Variants in OSBPL6 observed in about 807,000 individuals in gnomAD.
OSBPL6 encodes oxysterol binding protein like 6.
In OSBPL6, 49 loss-of-function variants were observed where a neutral mutation model predicts 125.8. The ratio of observed to expected loss-of-function variants is 0.39; its 90% CI spans 0.31 to 0.49. OSBPL6 has a LOEUF of 0.49. OSBPL6 is among the 20% of genes least tolerant of loss of function. The pLI is 0.88. For missense variants in OSBPL6, 986 were observed against 1,135.4 expected (o/e 0.87, Z 1.89); for synonymous variants, 394 against 391.8 (o/e 1.01, Z -0.07).
intron 19 of OSBPL6, among the ~76,000 whole-genome samples, chr2:178,386,703 A>C (rs1160800089): frequency 6.8e-6 from 1 of 147,148 alleles, no homozygotes. Context: ...TTTGTATGTA[A>C]AATGTGAATA....
chr2:178,300,611 TCAC>T (rs1686189153), intron 2 of OSBPL6, among the ~76,000 whole-genome samples: 1 of 152,186 alleles, frequency 6.6e-6, no homozygotes, highest in Admixed American at 6.5e-5. Context: ...CAGGCGTGTG[TCAC>T]CATGCCCAGC....
intron 12 of OSBPL6, among the ~76,000 whole-genome samples, chr2:178,360,904 A>C (rs1372421393): frequency 1.3e-5 from 2 of 152,216 alleles, no homozygotes; most frequent in Non-Finnish European, 2.9e-5. Flanking sequence ...ACCTTTCTCA[A>C]ATAAGGAAAT....
At chr2:178,381,187 CTCTTTCCTGA>C (rs1219881843) in intron 15 of OSBPL6, among the ~76,000 whole-genome samples, 1 of 152,158 alleles carries the variant, frequency 6.6e-6, no homozygotes, top group African/African-American at 2.4e-5. Flanking sequence ...ATCTTATCTT[CTCTTTCCTGA>C]TCTGCTCTGT....
In OSBPL6 at chr2:178,349,221, C is replaced by G; in HGVS notation, c.988-3C>G. 1 of 1,613,766 alleles carries G rather than the reference C, an allele frequency of 6.2e-7. No homozygotes were observed. The highest frequency in any genetic ancestry group is 8.5e-7 in the Non-Finnish European group (1 of 1,179,664). On this transcript the variant is annotated splice_polypyrimidine_tract_variant and splice_region_variant and intron_variant, in intron 11 of 24. Transcript: ENST00000190611. ...TTTAATAATTTGTATCTTCCCCTTT[C>G]AGGTTCCTTTCAGTGCTACCATGTC...
Position 178,383,080 on chromosome 2 carries a change from C to T in OSBPL6, c.1678C>T (p.Pro560Ser). Reference sequence around the variant, plus strand: ...CCGAAATGGGCGTCGAGCATGCCTGCCAGCTCCTTGTCCTGACACCAGTAA... The same window carrying T: ...CCGAAATGGGCGTCGAGCATGCCTGTCAGCTCCTTGTCCTGACACCAGTAA... ...AFRNGRRACLPAPCPDTSNIN... is the reference protein window; with the variant it reads ...AFRNGRRACLSAPCPDTSNIN... The change falls in exon 17 of 25, where the codon CCA becomes TCA. Residue 560 changes from proline (P) to serine (S), a missense_variant. Around this residue, in one of 3 missense-constraint regions of OSBPL6, gnomAD observed 843 missense variants for 997.3 expected, o/e 0.85. Transcript: ENST00000190611. 6.2e-7 allele frequency: 1 copy of T among 1,614,222 alleles called. No homozygotes were observed. The highest frequency in any genetic ancestry group is 1.1e-5 in the South Asian group (1 of 91,088).
At chr2:178,332,822 G>A in intron 7 of OSBPL6, 49 bp from the exon 8 acceptor site, 1 of 1,608,634 alleles carries the variant, frequency 6.2e-7, no homozygotes, top group South Asian at 1.1e-5. Flanking sequence ...CCAGTGGTAG[G>A]CAGGAGAGTT....
At chr2:178,293,601 G>C (rs1490637955) in intron 2 of OSBPL6, among the ~76,000 whole-genome samples, 1 of 151,814 alleles carries the variant, frequency 6.6e-6, no homozygotes, top group Non-Finnish European at 1.5e-5. Flanking sequence ...TGGAAGATGG[G>C]GTATTTATCC....
chr2:178,301,846 G>A lies in OSBPL6; in HGVS notation c.-155-4184G>A, dbSNP rs189347985. Reference sequence around the variant, plus strand: ...TAAGCCTGGAATGAAGAGCACTCAAGGTAGGTCTGCAGCTGACCTAAAGGA... The same window carrying A: ...TAAGCCTGGAATGAAGAGCACTCAAAGTAGGTCTGCAGCTGACCTAAAGGA... On this transcript the variant is annotated intron_variant, in intron 2 of 24. Transcript: ENST00000190611. Among the ~76,000 whole-genome samples the A allele has an allele frequency of 3.9e-5, 6 of 152,224 alleles. No homozygotes were observed. The East Asian group carries it at 9.6e-4, about 24-fold the overall frequency.
intron 5 of OSBPL6, 114 bp downstream of exon 5, chr2:178,328,492 T>C (rs1688897019): frequency 7.5e-7 from 1 of 1,341,700 alleles, no homozygotes; most frequent in Non-Finnish European, 1.0e-6. Flanking sequence ...ACTAGCTTTT[T>C]AAAACTTTTT....
rs574317472 is a variant in OSBPL6 at position 178,206,706 on chromosome 2, C to A, written c.-351+12032C>A. On this transcript the variant is annotated intron_variant, in intron 1 of 24. Coordinates refer to ENST00000190611, the MANE Select transcript of OSBPL6 (RefSeq NM_032523.4). ...CTCGGCTCACTGCAACCTCTGCCTCCCGGGTTCAAGCAATTCTCCTGTCTC... is the reference window on the plus strand; with the variant it reads ...CTCGGCTCACTGCAACCTCTGCCTCACGGGTTCAAGCAATTCTCCTGTCTC... 5.3e-5 allele frequency among the ~76,000 whole-genome samples: 8 copies of A among 152,184 alleles called. No homozygotes were observed. The South Asian group carries it at 1.7e-3, about 32-fold the overall frequency.
At chr2:178,394,289 A>C (rs1695665889) in intron 23 of OSBPL6, 24 bp from the exon 24 acceptor site, 4 of 1,602,808 alleles carry the variant, frequency 2.5e-6, no homozygotes, top group South Asian at 2.3e-5. Context: ...TAATATGTTA[A>C]AATATCAACT....
intron 1 of OSBPL6, among the ~76,000 whole-genome samples, chr2:178,247,958 TGA>T (rs1441559579): frequency 2.6e-5 from 4 of 152,210 alleles, no homozygotes; most frequent in Non-Finnish European, 5.9e-5. Context: ...CTGAACAGCT[TGA>T]GTCTTTTGAA....
intron 2 of OSBPL6, among the ~76,000 whole-genome samples, chr2:178,303,642 A>G (rs760596931): frequency 1.4e-4 from 21 of 152,206 alleles, no homozygotes; most frequent in African/African-American, 4.8e-4. Flanking sequence ...TACATTTCCA[A>G]GAGTTTGTCT....
At chr2:178,386,102 A>G (rs927704700) in intron 19 of OSBPL6, among the ~76,000 whole-genome samples, 1 of 152,256 alleles carries the variant, frequency 6.6e-6, no homozygotes, top group African/African-American at 2.4e-5. Flanking sequence ...TTAAGTGTAA[A>G]TAGTTCCTTC....
In OSBPL6 at chr2:178,208,157, T is replaced by C. The variant is rs151303149; in HGVS notation, c.-351+13483T>C. Among the ~76,000 whole-genome samples, 222 of 151,778 alleles carry C rather than the reference T, an allele frequency of 1.5e-3. 3 individuals carry two copies. The highest frequency in any genetic ancestry group is 5.2e-3 in the African/African-American group (214 of 41,410). On this transcript the variant is annotated intron_variant, in intron 1 of 24. Transcript: ENST00000190611. ...AAAAATTAGCCAGCGTGGTGGCACG[T>C]GCCTATAGTTCCAGCTACTTGGGAG...
intron 1 of OSBPL6, among the ~76,000 whole-genome samples, chr2:178,241,366 C>T (rs556738341): frequency 8.6e-5 from 13 of 151,464 alleles, no homozygotes; most frequent in African/African-American, 3.2e-4. Flanking sequence ...CCCGCCTCGG[C>T]CTCCCAAAGT....
chr2:178,344,394 T>C, intron 11 of OSBPL6: 2 of 1,601,516 alleles, frequency 1.2e-6, no homozygotes, highest in South Asian at 1.1e-5. Context: ...GGAAGTTTAA[T>C]AAGAATGAGA....
Position 178,223,160 on chromosome 2 carries a change from T to G in OSBPL6, c.-351+28486T>G, listed in dbSNP as rs1031998028. On this transcript the variant is annotated intron_variant, in intron 1 of 24. Coordinates refer to ENST00000190611, the MANE Select transcript of OSBPL6 (RefSeq NM_032523.4). ...GATGTTGAAGCCTTGTAAGACTTGT[T>G]ACTAGTTCACTCTAAAAGTTTACTC... 2.6e-5 allele frequency among the ~76,000 whole-genome samples: 4 copies of G among 152,252 alleles called. No homozygotes were observed. In the East Asian group the frequency reaches 7.7e-4, roughly 29 times the overall value.
intron 1 of OSBPL6, among the ~76,000 whole-genome samples, chr2:178,200,952 G>A (rs1431395198): frequency 1.3e-5 from 2 of 151,832 alleles, no homozygotes; most frequent in African/African-American, 4.8e-5. Context: ...CCGCCAGCAC[G>A]CCTGGCTAAT....
Sources: allele counts gnomAD v4.1 joint callset (sites outside exome capture counted in the v4.1 genomes callset), GRCh38; gene constraint gnomAD v4.1.1; regional missense constraint gnomAD v4.1.1; transcripts MANE v1.5; gene names NCBI Gene and HGNC (gene_info 2026-07-23, HGNC 2026-07-21).